ZC3H8: variants seen among roughly 807,000 people sequenced by gnomAD.
ZC3H8 encodes the protein zinc finger CCCH-type containing 8, also known as zinc finger CCCH domain-containing protein 8.
A neutral mutation model predicts 42.5 loss-of-function variants in ZC3H8; 27 were observed. That is an observed-to-expected ratio of 0.64 (90% CI 0.47 to 0.88). ZC3H8 has a LOEUF of 0.88. Among genes scored for constraint, ZC3H8 ranks in the 40% least tolerant of loss-of-function variants. The pLI, the probability that ZC3H8 is intolerant of heterozygous loss-of-function variation, is 0.00. For missense variants in ZC3H8, 277 were observed against 336.1 expected, an observed-to-expected ratio of 0.82 and a Z score of 1.37; for synonymous variants, 101 against 110.1, an observed-to-expected ratio of 0.92 and a Z score of 0.52.
rs58176967 is a variant in ZC3H8, at chr2:112,236,951, G to A, written c.371-256C>T. Among the ~76,000 whole-genome samples the A allele has an allele frequency of 3.4e-3, 522 of 152,286 alleles. 3 individuals are homozygous for A. The highest frequency in any genetic ancestry group is 0.012 in the African/African-American group (504 of 41,556). On this transcript the variant is annotated intron_variant, in intron 3 of 8. Coordinates refer to ENST00000409573, the MANE Select transcript of ZC3H8 (RefSeq NM_032494.3). ...CACGCCTGTAGTCCAGCTACTCTGG[G>A]ACTATAGGCTAAGGCAGGAGGATTG...
At chr2:112,240,354 T>C (rs908960281) in intron 2 of ZC3H8, 3 of 152,382 alleles carry the variant, frequency 2.0e-5, no homozygotes, top group African/African-American at 7.2e-5. Context: ...ACTCCTGTGA[T>C]AGATTATGTT....
intron 2 of ZC3H8, among the ~76,000 whole-genome samples, chr2:112,239,214 C>A (rs184047284): frequency 6.6e-6 from 1 of 152,216 alleles, no homozygotes; most frequent in South Asian, 2.1e-4. Flanking sequence ...AGGCTGATGA[C>A]AGCAATGACT....
intron 1 of ZC3H8, among the ~76,000 whole-genome samples, chr2:112,252,877 C>T (rs1273435721): frequency 6.6e-6 from 1 of 152,242 alleles, no homozygotes; most frequent in East Asian, 1.9e-4. Context: ...GGCGCGGTGG[C>T]TCACGCCTGT....
intron 2 of ZC3H8, among the ~76,000 whole-genome samples, chr2:112,245,375 C>T (rs1490959879): frequency 6.6e-6 from 1 of 152,198 alleles, no homozygotes; most frequent in Non-Finnish European, 1.5e-5. Flanking sequence ...CATGACAGGC[C>T]AGGCGCGGTG....
chr2:112,236,084 C>T lies in ZC3H8; in HGVS notation c.504+478G>A, dbSNP rs576509469. ...TTCAAGACCATCCTGGCCAACATGG[C>T]GAAACCCTGTCTCTACTAAAAATAC... On this transcript the variant is annotated intron_variant, in intron 4 of 8. Transcript: ENST00000409573. Among the ~76,000 whole-genome samples the T allele has an allele frequency of 6.6e-5, 10 of 151,762 alleles. No homozygotes were observed. In the East Asian group the frequency reaches 1.4e-3, roughly 21 times the overall value.
intron 1 of ZC3H8, among the ~76,000 whole-genome samples, chr2:112,252,019 T>C (rs993368169): frequency 1.3e-5 from 2 of 152,228 alleles, no homozygotes; most frequent in African/African-American, 2.4e-5. Context: ...AAGTCAGTTC[T>C]CACCTCTTCT....
In ZC3H8 at chr2:112,214,327, T is replaced by C. The variant is rs1684247568; in HGVS notation, c.*2157A>G. 6.6e-6 allele frequency: 1 copy of C among 152,192 alleles called. No homozygotes were observed. Among genetic ancestry groups the C allele is most frequent in the Non-Finnish European group, 1.5e-5 (1 of 68,042 alleles). The allele number at this position is 152,192 out of a possible 1,614,324, so 9.4% of individuals were successfully genotyped here. ...TTGAGAGGTAAGTAGTTGATCACTT[T>C]ATCCCGTTTGCTTTGGCTTTAAAGA... On this transcript the variant is annotated 3_prime_UTR_variant, in exon 9 of 9. Transcript: ENST00000409573.
At chr2:112,237,421 CAA>C (rs2104659289) in intron 3 of ZC3H8, among the ~76,000 whole-genome samples, 1 of 151,982 alleles carries the variant, frequency 6.6e-6, no homozygotes, top group East Asian at 1.9e-4. Flanking sequence ...TTAAATAGAT[CAA>C]GTTTTTATTT....
At chr2:112,222,853 G>A (rs1383307192) in intron 8 of ZC3H8, among the ~76,000 whole-genome samples, 1 of 152,178 alleles carries the variant, frequency 6.6e-6, no homozygotes, top group African/African-American at 2.4e-5. Context: ...AATATATGTG[G>A]TGGTAATGGT....
intron 2 of ZC3H8, among the ~76,000 whole-genome samples, chr2:112,249,273 T>C (rs995995822): frequency 3.9e-5 from 6 of 152,096 alleles, no homozygotes; most frequent in African/African-American, 1.4e-4. Context: ...GAAATCAGGA[T>C]GATACTTTTG....
In ZC3H8 at chr2:112,236,704, A is replaced by C; in HGVS notation, c.371-9T>G. ...ATTTTTTTGTTTAGCAGCTAAAAAC[A>C]AAAAATTAATTTAAAAAATGACATA... On this transcript the variant is annotated splice_polypyrimidine_tract_variant and intron_variant, in intron 3 of 8. Transcript: ENST00000409573. 1 of 1,594,216 alleles carries C rather than the reference A, an allele frequency of 6.3e-7. No homozygotes were observed. Among genetic ancestry groups the C allele is most frequent in the Non-Finnish European group, 8.5e-7 (1 of 1,170,126 alleles).
intron 2 of ZC3H8, among the ~76,000 whole-genome samples, chr2:112,239,276 C>CG (rs1163031091): frequency 5.9e-5 from 9 of 152,324 alleles, no homozygotes; most frequent in African/African-American, 2.2e-4. Flanking sequence ...TGTGTTTCTA[C>CG]ACTTGGTGAC....
In ZC3H8 at chr2:112,251,204, T is replaced by C. The variant is rs546617503; in HGVS notation, c.75-932A>G. Among the ~76,000 whole-genome samples, 15 of 152,342 alleles carry C rather than the reference T, an allele frequency of 9.8e-5. 2 individuals are homozygous for C. In the South Asian group the frequency reaches 3.1e-3, roughly 32 times the overall value. ...GATAAAGGCAAGGAATTGGGGAATG[T>C]GTCCCATCTCAAGAGAACATGTTAC... is the stretch of plus-strand genomic sequence containing the variant. On this transcript the variant is annotated intron_variant, in intron 1 of 8. Coordinates refer to ENST00000409573, the MANE Select transcript of ZC3H8 (RefSeq NM_032494.3).
Position 112,236,561 on chromosome 2 carries a change from C to A in ZC3H8, c.504+1G>T. On this transcript the variant is annotated splice_donor_variant, in intron 4 of 8. Transcript: ENST00000409573. LOFTEE classifies it high-confidence loss of function. ...ATTCCTAGAAGCATATATTCCAATA[C>A]CTCTTCCTGTGAGCCGCTGTTCCTC... The A allele has an allele frequency of 1.9e-6, 3 of 1,612,572 alleles. No individual in the cohort carries two copies. The highest frequency in any genetic ancestry group is 2.5e-6 in the Non-Finnish European group (3 of 1,179,502).
intron 2 of ZC3H8, among the ~76,000 whole-genome samples, chr2:112,242,063 C>CA (rs1228884701): frequency 6.6e-6 from 1 of 152,140 alleles, no homozygotes; most frequent in Non-Finnish European, 1.5e-5. Context: ...TTTAGAGACA[C>CA]AGACTTACCA....
rs1491366931 is a variant in ZC3H8, at chr2:112,240,951, CAG to C, written c.157-2425_157-2424del. 2.2e-4 allele frequency among the ~76,000 whole-genome samples: 26 copies of C among 118,020 alleles called. 1 individual carries two copies. In the South Asian group the frequency reaches 8.1e-3, roughly 37 times the overall value. 77.4% of individuals were successfully genotyped at this position (118,020 alleles called of 152,430 possible). ...ACCTCCAAAATTAAAGTACAGGTAACAGTGTGTGTGTGTGTGTGTGTGTGTGT... is the reference window on the plus strand; with the variant it reads ...ACCTCCAAAATTAAAGTACAGGTAACTGTGTGTGTGTGTGTGTGTGTGTGT... On this transcript the variant is annotated intron_variant, in intron 2 of 8. Coordinates refer to ENST00000409573, the MANE Select transcript of ZC3H8 (RefSeq NM_032494.3).
chr2:112,230,844 G>A, intron 8 of ZC3H8, 59 bp downstream of exon 8: 2 of 1,150,908 alleles, frequency 1.7e-6, no homozygotes, highest in Non-Finnish European at 2.3e-6. Context: ...GAGGTTGCAT[G>A]CCAACTTCTG....
In ZC3H8 at chr2:112,214,630, A is replaced by AGACG. The variant is rs1418514783; in HGVS notation, c.*1850_*1853dup. ...GAGTACTTTGGACGAATGGCTCTTG[A>AGACG]GACGAATGGCTCTTGGTTCAGGGAA... On this transcript the variant is annotated 3_prime_UTR_variant, in exon 9 of 9. Coordinates refer to ENST00000409573, the MANE Select transcript of ZC3H8 (RefSeq NM_032494.3). The AGACG allele has an allele frequency of 6.6e-6, 1 of 152,152 alleles. No homozygotes were observed. Among genetic ancestry groups the AGACG allele is most frequent in the Non-Finnish European group, 1.5e-5 (1 of 68,074 alleles). The allele number at this position is 152,152 out of a possible 1,614,324, so 9.4% of individuals were successfully genotyped here.
At chr2:112,246,592 T>G (rs1377015131) in intron 2 of ZC3H8, among the ~76,000 whole-genome samples, 1 of 152,122 alleles carries the variant, frequency 6.6e-6, no homozygotes, top group African/African-American at 2.4e-5. Flanking sequence ...AGAACTAGAA[T>G]TAGAAGTGGA....
Sources: allele counts gnomAD v4.1 joint callset (sites outside exome capture counted in the v4.1 genomes callset), GRCh38; gene constraint gnomAD v4.1.1; transcripts MANE v1.5; gene names NCBI Gene and HGNC (gene_info 2026-07-23, HGNC 2026-07-21).